ABCA7: variants seen among roughly 807,000 people sequenced by gnomAD.
ABCA7 encodes the protein ATP binding cassette subfamily A member 7.
ABCA7 carries 261 observed loss-of-function variants against 227.6 expected under a neutral mutation model. The ratio of observed to expected loss-of-function variants is 1.15; its 90% CI spans 1.04 to 1.27. ABCA7 has a LOEUF of 1.27. Ranked by LOEUF, ABCA7 falls within the 50% of genes most tolerant of loss-of-function variation. ABCA7 has a pLI of 0.00. For synonymous variants in ABCA7, 1,488 were observed against 1,279.7 expected (o/e 1.16, Z -3.47); for missense variants, 3,331 against 2,924.5 (o/e 1.14, Z -3.21).
At chr19:1,060,334 C>A (rs940934923) in intron 40 of ABCA7, among the ~76,000 whole-genome samples, 7 of 151,916 alleles carry the variant, frequency 4.6e-5, no homozygotes, top group African/African-American at 1.5e-4. Context: ...GCCTCAGCCT[C>A]CCGAGTAGCT....
chr19:1,065,191 C>T lies in ABCA7; in HGVS notation c.6285+20C>T, dbSNP rs529094183. 1.9e-6 allele frequency: 3 copies of T among 1,594,702 alleles called. No homozygotes were observed. Among genetic ancestry groups the T allele is most frequent in the East Asian group, 4.5e-5 (2 of 44,468 alleles). ...GAGGAGGTGATCACGGCGCCGGGGT[C>T]GGGCTGGGGGAGGCAGGCTGGGGGC... On this transcript the variant is annotated intron_variant, in intron 46 of 46. Coordinates refer to ENST00000263094, the MANE Select transcript of ABCA7 (RefSeq NM_019112.4).
In ABCA7 at chr19:1,045,130, C is replaced by A; in HGVS notation, c.1344C>A (p.Asp448Glu). ...TCTTGGGACCTGAGGACTCTTCAGA[C>A]CCCACAGAGCACCCAACCCCAGACC... ...VVFLGPEDSSDPTEHPTPDLG... is the reference protein window; with the variant it reads ...VVFLGPEDSSEPTEHPTPDLG... Residue 448 changes from aspartate (D) to glutamate (E), a missense_variant, in exon 12 of 47, where the codon GAC becomes GAA. Physicochemically the swap from Asp to Glu is conservative, Grantham distance 45 (BLOSUM62 2). Transcript: ENST00000263094. 6.2e-7 allele frequency: 1 copy of A among 1,612,954 alleles called. No individual in the cohort carries two copies. The highest frequency in any genetic ancestry group is 8.5e-7 in the Non-Finnish European group (1 of 1,179,992).
At position 1,054,062 on chromosome 19, in the gene ABCA7, C is replaced by T. The variant is rs141885771; in HGVS notation, c.3529C>T (p.Arg1177Trp). The T allele has an allele frequency of 1.1e-4, 182 of 1,613,316 alleles. No individual in the cohort carries two copies. The South Asian group carries it at 1.2e-3, about 10-fold the overall frequency. The part of the protein sequence containing the change: ...TGIAGLDVTL[R>W]LKMPPQETAL... ...CATTGCTGGCCTAGACGTAACCCTA[C>T]GGCTCAAGATGCCGCCACAGGAGAC... Residue 1177 changes from arginine to tryptophan, a missense_variant, in exon 26 of 47, where the codon CGG (arginine) becomes TGG (tryptophan). By Grantham distance (101) the Arg-to-Trp change is moderately radical. Transcript: ENST00000263094. This position sits in a 1 kb window ranked among gnomAD's most constrained non-coding sequence, Gnocchi z 4.8.
chr19:1,065,351 G>A lies in ABCA7; in HGVS notation c.6367G>A (p.Ala2123Thr). 4 of 1,613,588 alleles carry A rather than the reference G, an allele frequency of 2.5e-6. No individual in the cohort carries two copies. The highest frequency in any genetic ancestry group is 2.2e-5 in the South Asian group (2 of 91,088). The change falls in exon 47 of 47, where the codon GCG becomes ACG. Residue 2123 changes from alanine to threonine, a missense_variant. By Grantham distance (58) the Ala-to-Thr change is moderately conservative. Coordinates refer to ENST00000263094, the MANE Select transcript of ABCA7 (RefSeq NM_019112.4). ...GGAGGCAGGAGTGGGAGTGGACCCC[G>A]CGCCAGGCCTGCAGCACCCCAAACG... ...QKEAGVGVDP[A>T]PGLQHPKRVS...
At position 1,050,535 on chromosome 19, in the gene ABCA7, G is replaced by T. The variant is rs991706136; in HGVS notation, c.2553-386G>T. ...GCCTGCAATCCCAGCACTTTGGGGGGCCGAGGCGGGTGGATCACGAGGTCA... is the reference window on the plus strand; with the variant it reads ...GCCTGCAATCCCAGCACTTTGGGGGTCCGAGGCGGGTGGATCACGAGGTCA... On this transcript the variant is annotated intron_variant, in intron 18 of 46. Coordinates refer to ENST00000263094, the MANE Select transcript of ABCA7 (RefSeq NM_019112.4). 4.9e-4 allele frequency among the ~76,000 whole-genome samples: 74 copies of T among 152,178 alleles called. 1 individual carries two copies. The highest frequency in any genetic ancestry group is 6.8e-3 in the Middle Eastern group (2 of 294).
chr19:1,051,077 C>T, intron 19 of ABCA7, 25 bp downstream of exon 19: 6 of 1,610,720 alleles, frequency 3.7e-6, no homozygotes, highest in Non-Finnish European at 5.1e-6. Context: ...GCCCAGAGTG[C>T]AGCGGTGGGA....
Position 1,044,934 on chromosome 19 carries a change from G to A in ABCA7, c.1216-68G>A, listed in dbSNP as rs940085221. The A allele has an allele frequency of 1.0e-5, 16 of 1,569,082 alleles. No homozygotes were observed. The African/African-American group carries it at 1.9e-4, about 19-fold the overall frequency. ...ACATGGCCCAGCCCCGAGGTCCAGG[G>A]GGAGGAGCGGAGTGGTCTAGGAGGC... On this transcript the variant is annotated intron_variant, in intron 11 of 46. Coordinates refer to ENST00000263094, the MANE Select transcript of ABCA7 (RefSeq NM_019112.4).
chr19:1,061,845 G>A lies in ABCA7; in HGVS notation c.5527G>A (p.Asp1843Asn), dbSNP rs755914271. ...KTSTFRMVTGDTLASRGEAVL... is the reference protein window; with the variant it reads ...KTSTFRMVTGNTLASRGEAVL... ...GTCCACGTTTCGCATGGTGACGGGG[G>A]ACACATTGGCCAGCAGGGGCGAGGC... Residue 1843 changes from aspartate to asparagine, a missense_variant, in exon 41 of 47, where the codon GAC becomes AAC. Asp to Asn is a conservative substitution (Grantham distance 23). Coordinates refer to ENST00000263094, the MANE Select transcript of ABCA7 (RefSeq NM_019112.4). 2 of 1,606,162 alleles carry A rather than the reference G, an allele frequency of 1.2e-6. No homozygotes were observed. Among genetic ancestry groups the A allele is most frequent in the South Asian group, 2.2e-5 (2 of 89,454 alleles).
intron 41 of ABCA7, 69 bp downstream of exon 41, chr19:1,061,957 T>C: frequency 6.8e-7 from 1 of 1,476,036 alleles, no homozygotes. Context: ...TCCCCACCCC[T>C]CCACCTCCAG....
intron 34 of ABCA7, 39 bp downstream of exon 34, chr19:1,057,123 G>A (rs142834099): frequency 4.1e-4 from 657 of 1,593,154 alleles, no homozygotes; most frequent in Middle Eastern, 1.9e-3. Context: ...CCCAGCCACT[G>A]CTTGCCACTG....
intron 40 of ABCA7, among the ~76,000 whole-genome samples, chr19:1,061,211 A>G (rs1462200461): frequency 3.3e-5 from 5 of 151,924 alleles, no homozygotes. Context: ...AGCCTGGCCA[A>G]CATGCCAAAA....
intron 11 of ABCA7, 103 bp downstream of exon 11, chr19:1,044,847 G>GTA: frequency 6.8e-7 from 1 of 1,473,964 alleles, no homozygotes; most frequent in Non-Finnish European, 9.0e-7. Context: ...CCCGGCCCTA[G>GTA]TAAGAGCCTG....
intron 3 of ABCA7, 92 bp downstream of exon 3, chr19:1,041,695 C>T: frequency 6.3e-7 from 1 of 1,574,850 alleles, no homozygotes; most frequent in Non-Finnish European, 8.6e-7. Context: ...TGTCAGGGAG[C>T]CTTCACCAGG....
intron 11 of ABCA7, 120 bp from the exon 12 acceptor site, chr19:1,044,882 A>T: frequency 6.8e-7 from 1 of 1,468,652 alleles, no homozygotes; most frequent in Non-Finnish European, 9.1e-7. Context: ...CTCAGGAGGG[A>T]GCCGGCCGTG....
intron 18 of ABCA7, among the ~76,000 whole-genome samples, chr19:1,050,355 T>C (rs1011169850): frequency 5.9e-5 from 9 of 151,408 alleles, no homozygotes; most frequent in Non-Finnish European, 1.3e-4. Context: ...GAGGTTGCAG[T>C]GAGCCGAGAC....
In ABCA7 at chr19:1,054,673, G is replaced by A; in HGVS notation, c.3830G>A (p.Gly1277Asp). ...CTGCGGCTCAGTCCCACCATGTACG[G>A]TGCTCAGGTGTCCTTCTTCAGGTGG... ...PALRLSPTMY[G>D]AQVSFFSEDA... The change falls in exon 28 of 47, where the codon GGT (glycine) becomes GAT (aspartate). Residue 1277 changes from glycine (G) to aspartate (D), a missense_variant. Gly to Asp is a moderately conservative substitution (Grantham distance 94). Coordinates refer to ENST00000263094, the MANE Select transcript of ABCA7 (RefSeq NM_019112.4). This position sits in a 1 kb window ranked among gnomAD's most constrained non-coding sequence, Gnocchi z 4.8. 5 of 1,613,076 alleles carry A rather than the reference G, an allele frequency of 3.1e-6. No homozygotes were observed. The highest frequency in any genetic ancestry group is 4.2e-6 in the Non-Finnish European group (5 of 1,179,624).
At position 1,059,094 on chromosome 19, in the gene ABCA7, AG is replaced by A; in HGVS notation, c.5463+13del. Reference sequence around the variant, plus strand: ...GGATTCCCCCTGGTGAGGTGAGTCCAGGGGTGGAGGCCAGGTGCAGGGACAG... The same window carrying A: ...GGATTCCCCCTGGTGAGGTGAGTCCAGGGTGGAGGCCAGGTGCAGGGACAG... On this transcript the variant is annotated intron_variant, in intron 40 of 46. Transcript: ENST00000263094. The A allele has an allele frequency of 6.2e-7, 1 of 1,611,690 alleles. No homozygotes were observed. Among genetic ancestry groups the A allele is most frequent in the Non-Finnish European group, 8.5e-7 (1 of 1,179,464 alleles).
chr19:1,041,806 C>T (rs2040064356), intron 3 of ABCA7, 25 bp from the exon 4 acceptor site: 2 of 1,600,334 alleles, frequency 1.2e-6, no homozygotes, highest in South Asian at 2.2e-5. Context: ...TCCACAGGGC[C>T]TCAGCACCAG....
rs563049334 is a variant in ABCA7, at chr19:1,047,139, TC to T, written c.1846-15del. 6.3e-7 allele frequency: 1 copy of T among 1,590,540 alleles called. No individual in the cohort carries two copies. The highest frequency in any genetic ancestry group is 1.1e-5 in the South Asian group (1 of 88,268). On this transcript the variant is annotated splice_polypyrimidine_tract_variant and intron_variant, in intron 14 of 46. Transcript: ENST00000263094. Reference sequence around the variant, plus strand: ...CCAATCCAGGAGCTGCACCCTAAGCTCCCGTTGCCTCTCACAGCTGGGAGAC... The same window carrying T: ...CCAATCCAGGAGCTGCACCCTAAGCTCCGTTGCCTCTCACAGCTGGGAGAC...
Sources: gnomAD v4.1 joint callset for allele counts (sites outside exome capture counted in the v4.1 genomes callset) on GRCh38, gnomAD v4.1.1 for gene constraint, Gnocchi (gnomAD v3.1) non-coding constraint, MANE v1.5 for transcripts, NCBI Gene and HGNC (gene_info 2026-07-23, HGNC 2026-07-21) for gene names.